The following SLC36A3 variants were observed in gnomAD, a reference collection of about 807,000 sequenced individuals.
SLC36A3 encodes the protein solute carrier family 36 member 3, also known as proton-coupled amino acid transporter 3.
Under a neutral mutation model 44.3 loss-of-function variants are expected in SLC36A3, and 35 were observed. The observed-to-expected ratio is 0.79, with a 90% CI of 0.60 to 1.05. The LOEUF (loss-of-function observed/expected upper bound fraction) is 1.05, where lower values mean the gene tolerates loss of function less well. Among genes scored for constraint, SLC36A3 ranks in the 50% least tolerant of loss-of-function variants. The pLI is 0.00. For synonymous variants in SLC36A3, 211 were observed against 227.6 expected (o/e 0.93, Z 0.66); for missense variants, 540 against 578.7 (o/e 0.93, Z 0.69).
intron 6 of SLC36A3, 44 bp from the exon 7 acceptor site, chr5:151,284,755 G>A (rs1010977439): frequency 4.0e-6 from 6 of 1,488,226 alleles, no homozygotes; most frequent in Non-Finnish European, 4.6e-6. Context: ...TTATGGTGTC[G>A]AAGTCATCCC....
chr5:151,297,604 A>G (rs1022625400), intron 2 of SLC36A3: 3 of 152,232 alleles, frequency 2.0e-5, no homozygotes, highest in Admixed American at 2.0e-4. Context: ...GGACGTGCAA[A>G]GGGAAATCAG....
chr5:151,287,718 C>T (rs959033224), intron 5 of SLC36A3, among the ~76,000 whole-genome samples: 2 of 152,176 alleles, frequency 1.3e-5, no homozygotes, highest in Admixed American at 6.6e-5. Flanking sequence ...CCCTTAGAAT[C>T]ATAAAATCTC....
chr5:151,296,355 G>C (rs1206610445), intron 2 of SLC36A3, 87 bp from the exon 3 acceptor site: 1 of 1,133,588 alleles, frequency 8.8e-7, no homozygotes, highest in Non-Finnish European at 1.3e-6. Context: ...GCTGGGGCCT[G>C]TTGCATAATA....
At chr5:151,282,672 A>C (rs1754368190) in intron 8 of SLC36A3, among the ~76,000 whole-genome samples, 1 of 152,208 alleles carries the variant, frequency 6.6e-6, no homozygotes, top group African/African-American at 2.4e-5. Flanking sequence ...ATATTAATGC[A>C]CATATAATAT....
chr5:151,279,350 T>C (rs1021471025), intron 9 of SLC36A3, among the ~76,000 whole-genome samples: 1 of 152,258 alleles, frequency 6.6e-6, no homozygotes, highest in Non-Finnish European at 1.5e-5. Context: ...CACTCAACTG[T>C]AGGTCCTGTG....
intron 1 of SLC36A3, among the ~76,000 whole-genome samples, chr5:151,299,250 C>CTATA (rs1291436379): frequency 5.1e-4 from 49 of 96,084 alleles, no homozygotes; most frequent in Non-Finnish European, 8.5e-4. Flanking sequence ...CTCTCTCTCT[C>CTATA]TCTCTCTCTC....
In SLC36A3 at chr5:151,303,618, G is replaced by A. The variant is rs757221999; in HGVS notation, c.-264C>T. ...GTCAGGATGGTCCTCAGTTTCACTC[G>A]CAATTGCTTGCCCAACCAGGACTTG... On this transcript the variant is annotated 5_prime_UTR_variant, in exon 1 of 10. It introduces an in-frame stop codon into an upstream open reading frame of the 5' UTR. Coordinates refer to ENST00000335230, the MANE Select transcript of SLC36A3 (RefSeq NM_181774.4). 1 of 381,334 alleles carries A rather than the reference G, an allele frequency of 2.6e-6. No individual in the cohort carries two copies. Among genetic ancestry groups the A allele is most frequent in the Non-Finnish European group, 4.7e-6 (1 of 211,690 alleles). The allele number at this position is 381,334 out of a possible 1,614,324, so 23.6% of individuals were successfully genotyped here. A position where few individuals can be genotyped will look rare whatever the true frequency, so the allele number is the denominator to read the frequency against.
chr5:151,288,495 C>G, intron 4 of SLC36A3, 25 bp from the exon 5 acceptor site: 1 of 1,449,266 alleles, frequency 6.9e-7, no homozygotes. Context: ...AAGAGGCAGA[C>G]AGAGGGAGGA....
intron 8 of SLC36A3, among the ~76,000 whole-genome samples, chr5:151,281,712 G>A (rs1580804819): frequency 6.6e-6 from 1 of 152,206 alleles, no homozygotes. Context: ...CAGCTACTCG[G>A]GAGGCTGAGA....
chr5:151,279,621 A>G (rs1340758024), intron 9 of SLC36A3, among the ~76,000 whole-genome samples: 1 of 152,046 alleles, frequency 6.6e-6, no homozygotes, highest in African/African-American at 2.4e-5. Flanking sequence ...GTCAACTTAC[A>G]CCCTTCCTAG....
Position 151,303,491 on chromosome 5 carries a change from G to T in SLC36A3, c.-137C>A. On this transcript the variant is annotated 5_prime_UTR_variant, in exon 1 of 10. Transcript: ENST00000335230. ...ACCCCAAGGATGCGTGCTGCTGGCT[G>T]AAGCCTGAAGTGCATGAATCAGGGA... The T allele has an allele frequency of 1.1e-6, 1 of 920,162 alleles. No individual in the cohort carries two copies. The highest frequency in any genetic ancestry group is 1.6e-6 in the Non-Finnish European group (1 of 617,646). 57.0% of individuals were successfully genotyped at this position (920,162 alleles called of 1,614,324 possible). A position where few individuals can be genotyped will look rare whatever the true frequency, so the allele number is the denominator to read the frequency against.
Position 151,298,656 on chromosome 5 carries a change from C to T in SLC36A3, c.156G>A (p.Leu52=). Residue 52 remains leucine, a synonymous_variant, in exon 2 of 10, where the codon TTG becomes TTA. Transcript: ENST00000335230. ...GGAGCCCTGTGCCAATGTTGCATTTCAACAAGTGGATCAAAGTTTGCATCA... is the reference window on the plus strand; with the variant it reads ...GGAGCCCTGTGCCAATGTTGCATTTTAACAAGTGGATCAAAGTTTGCATCA... ...LSMMQTLIHL[L]KCNIGTGLLG... The T allele has an allele frequency of 6.2e-7, 1 of 1,614,126 alleles. No individual in the cohort carries two copies. Among genetic ancestry groups the T allele is most frequent in the Non-Finnish European group, 8.5e-7 (1 of 1,180,026 alleles).
intron 4 of SLC36A3, among the ~76,000 whole-genome samples, chr5:151,290,711 C>T (rs1352950601): frequency 6.6e-6 from 1 of 151,984 alleles, no homozygotes; most frequent in Non-Finnish European, 1.5e-5. Flanking sequence ...CTGGCTAACA[C>T]GGTGAAACCC....
rs1039866992 is a variant in SLC36A3 at position 151,284,095 on chromosome 5, T to A, written c.923A>T (p.Lys308Met). The A allele has an allele frequency of 1.2e-6, 2 of 1,613,940 alleles. No homozygotes were observed. The highest frequency in any genetic ancestry group is 2.7e-5 in the African/African-American group (2 of 74,894). Residue 308 changes from lysine to methionine, a missense_variant, in exon 8 of 10, where the codon AAG becomes ATG. Transcript: ENST00000335230. ...GCTGGCCTGGGTGTCTGACCCAAAC[T>A]TCATGTAGCCCAGTGTCCCCAGTAA... Reference protein sequence around the residue: ...YILLGTLGYMKFGSDTQASIT... With the variant: ...YILLGTLGYMMFGSDTQASIT...
intron 7 of SLC36A3, 99 bp downstream of exon 7, chr5:151,284,514 G>T (rs1754455716): frequency 1.0e-6 from 1 of 957,762 alleles, no homozygotes; most frequent in Non-Finnish European, 1.6e-6. Context: ...ATCAGAGTCT[G>T]CACCTTTTCA....
rs921860334 is a variant in SLC36A3, at chr5:151,296,409, C to T, written c.220-141G>A. 18 of 679,814 alleles carry T rather than the reference C, an allele frequency of 2.6e-5. 2 individuals carry two copies. The East Asian group carries it at 3.0e-4, about 11-fold the overall frequency. 42.1% of individuals were successfully genotyped at this position (679,814 alleles called of 1,614,324 possible). A position where few individuals can be genotyped will look rare whatever the true frequency, so the allele number is the denominator to read the frequency against. On this transcript the variant is annotated intron_variant, in intron 2 of 9. Transcript: ENST00000335230. Reference sequence around the variant, plus strand: ...CAGACCCAGCCTGAATGTCCTCATGCTCCCAGATGCTAGAATTTGAATGCT... The same window carrying T: ...CAGACCCAGCCTGAATGTCCTCATGTTCCCAGATGCTAGAATTTGAATGCT...
chr5:151,281,065 A>G lies in SLC36A3; in HGVS notation c.1093T>C (p.Trp365Arg). 6.2e-7 allele frequency: 1 copy of G among 1,614,216 alleles called. No individual in the cohort carries two copies. The highest frequency in any genetic ancestry group is 8.5e-7 in the Non-Finnish European group (1 of 1,180,030). The part of the protein sequence containing the change: ...PFAISQVSES[W>R]ALFVDLSVRS... ...ACAGACAGGTCTACAAACAGTGCCCAGCTCTCTGACACTTGGGAGATGGCA... is the reference window on the plus strand; with the variant it reads ...ACAGACAGGTCTACAAACAGTGCCCGGCTCTCTGACACTTGGGAGATGGCA... Residue 365 changes from tryptophan (W) to arginine (R), a missense_variant, in exon 9 of 10, where the codon TGG becomes CGG. By Grantham distance (101) the Trp-to-Arg change is moderately radical. Transcript: ENST00000335230.
Position 151,278,863 on chromosome 5 carries a change from C to T in SLC36A3, c.1145-1202G>A, listed in dbSNP as rs569491429. On this transcript the variant is annotated intron_variant, in intron 9 of 9. Coordinates refer to ENST00000335230, the MANE Select transcript of SLC36A3 (RefSeq NM_181774.4). Reference sequence around the variant, plus strand: ...TCCAGGAAAGCTCACAACGAGGAGGCAGAGAAGATACATGCAAGAAAAGCT... The same window carrying T: ...TCCAGGAAAGCTCACAACGAGGAGGTAGAGAAGATACATGCAAGAAAAGCT... Among the ~76,000 whole-genome samples, 3 of 152,308 alleles carry T rather than the reference C, an allele frequency of 2.0e-5. No individual in the cohort carries two copies. The East Asian group carries it at 5.8e-4, about 29-fold the overall frequency.
At position 151,288,479 on chromosome 5, in the gene SLC36A3, GA is replaced by G; in HGVS notation, c.405-10del. On this transcript the variant is annotated splice_polypyrimidine_tract_variant and intron_variant, in intron 4 of 9. Coordinates refer to ENST00000335230, the MANE Select transcript of SLC36A3 (RefSeq NM_181774.4). ...AGAAGCTGACAGTGTACCTGGGAAGGAAAGGAAGAGGCAGACAGAGGGAGGA... is the reference window on the plus strand; with the variant it reads ...AGAAGCTGACAGTGTACCTGGGAAGGAAGGAAGAGGCAGACAGAGGGAGGA... 1 of 1,534,136 alleles carries G rather than the reference GA, an allele frequency of 6.5e-7. No homozygotes were observed.
Sources: allele counts gnomAD v4.1 joint callset (sites outside exome capture counted in the v4.1 genomes callset), GRCh38; gene constraint gnomAD v4.1.1; transcripts MANE v1.5; gene names NCBI Gene and HGNC (gene_info 2026-07-23, HGNC 2026-07-21).